The following NHLRC2 variants were observed in gnomAD, a reference collection of about 807,000 sequenced individuals.
NHLRC2 encodes the protein NHL repeat containing 2, also known as NHL repeat-containing protein 2.
NHLRC2 carries 33 observed loss-of-function variants against 68.1 expected under a neutral mutation model. The observed-to-expected ratio is 0.48, with a 90% CI of 0.37 to 0.65. The LOEUF (loss-of-function observed/expected upper bound fraction) is 0.65, where lower values mean the gene tolerates loss of function less well. Among genes scored for constraint, NHLRC2 ranks in the 30% least tolerant of loss-of-function variants. NHLRC2 has a pLI of 0.00. For synonymous variants in NHLRC2, 311 were observed against 309.6 expected (o/e 1.00, Z -0.05); for missense variants, 761 against 853.8 (o/e 0.89, Z 1.35).
At position 113,882,828 on chromosome 10, in the gene NHLRC2, A is replaced by T. The variant is rs983664946; in HGVS notation, c.910-1423A>T. ...TAAAAGTCTTTTAGTTATGGCTCTTATAATTAGGTCTTTGATCCATTTTGA... is the reference window on the plus strand; with the variant it reads ...TAAAAGTCTTTTAGTTATGGCTCTTTTAATTAGGTCTTTGATCCATTTTGA... On this transcript the variant is annotated intron_variant, in intron 4 of 10. Transcript: ENST00000369301. 6.6e-5 allele frequency among the ~76,000 whole-genome samples: 10 copies of T among 151,824 alleles called. No individual in the cohort carries two copies. In the East Asian group the frequency reaches 1.7e-3, roughly 26 times the overall value.
chr10:113,898,892 C>G (rs887712053), intron 6 of NHLRC2, among the ~76,000 whole-genome samples: 4 of 152,144 alleles, frequency 2.6e-5, no homozygotes, highest in African/African-American at 9.7e-5. Flanking sequence ...ATGTGGAGAG[C>G]TTGGCATAGT....
intron 3 of NHLRC2, among the ~76,000 whole-genome samples, chr10:113,878,480 A>G (rs541706603): frequency 1.2e-3 from 186 of 152,296 alleles, no homozygotes; most frequent in African/African-American, 4.3e-3. Context: ...ATCACCAGCT[A>G]GAAAGAGACA....
At position 113,912,425 on chromosome 10, in the gene NHLRC2, A is replaced by G. The variant is rs978017282; in HGVS notation, c.*3889A>G. The G allele has an allele frequency of 9.2e-5, 14 of 152,214 alleles. No individual in the cohort carries two copies. The highest frequency in any genetic ancestry group is 2.0e-4 in the Admixed American group (3 of 15,276). 9.4% of individuals were successfully genotyped at this position (152,214 alleles called of 1,614,324 possible). A position where few individuals can be genotyped will look rare whatever the true frequency, so the allele number is the denominator to read the frequency against. On this transcript the variant is annotated 3_prime_UTR_variant, in exon 11 of 11. Transcript: ENST00000369301. ...AGAGAAATGTTTTATAATGAAGCAT[A>G]TAACTATTTTATAAACAACATTGTA...
At chr10:113,888,416 C>T (rs2134721265) in intron 5 of NHLRC2, among the ~76,000 whole-genome samples, 1 of 151,808 alleles carries the variant, frequency 6.6e-6, no homozygotes, top group East Asian at 1.9e-4. Flanking sequence ...GACATTGTAC[C>T]CCACGAATGT....
At chr10:113,863,241 A>AT (rs145591600) in intron 2 of NHLRC2, among the ~76,000 whole-genome samples, 146 of 152,166 alleles carry the variant, frequency 9.6e-4, no homozygotes, top group Non-Finnish European at 1.8e-3. Flanking sequence ...ATTTCAATAG[A>AT]TTTTTTTTAA....
intron 1 of NHLRC2, among the ~76,000 whole-genome samples, chr10:113,856,979 G>C (rs918905092): frequency 6.6e-6 from 1 of 152,068 alleles, no homozygotes; most frequent in African/African-American, 2.4e-5. Context: ...GTGTGATTTT[G>C]AGCAAGTTAC....
chr10:113,857,452 A>T lies in NHLRC2; in HGVS notation c.179-1076A>T, dbSNP rs1435130803. 2.0e-5 allele frequency among the ~76,000 whole-genome samples: 3 copies of T among 151,378 alleles called. 1 individual carries two copies. In the South Asian group the frequency reaches 6.3e-4, roughly 32 times the overall value. ...GCCCAAATACTAGTTTGATCTGCAG[A>T]TTTTTTTTTCTAGAATTTTGTTATG... On this transcript the variant is annotated intron_variant, in intron 1 of 10. Coordinates refer to ENST00000369301, the MANE Select transcript of NHLRC2 (RefSeq NM_198514.4).
intron 5 of NHLRC2, among the ~76,000 whole-genome samples, chr10:113,896,989 G>A (rs1157865181): frequency 4.2e-5 from 6 of 142,792 alleles, no homozygotes; most frequent in African/African-American, 7.9e-5. Flanking sequence ...GTGAGACTCC[G>A]CCTCAAAAAA....
At position 113,916,089 on chromosome 10, in the gene NHLRC2, G is replaced by A. The variant is rs1282296335; in HGVS notation, c.*7553G>A. On this transcript the variant is annotated 3_prime_UTR_variant, in exon 11 of 11. Transcript: ENST00000369301. ...GGACTCTGCCCTACAACTATCTTCTGTTTTTAGAATTTGTAGTCACTGTTC... is the reference window on the plus strand; with the variant it reads ...GGACTCTGCCCTACAACTATCTTCTATTTTTAGAATTTGTAGTCACTGTTC... The A allele has an allele frequency of 6.6e-6, 1 of 152,126 alleles. No homozygotes were observed. The highest frequency in any genetic ancestry group is 6.5e-5 in the Admixed American group (1 of 15,272). 9.4% of individuals were successfully genotyped at this position (152,126 alleles called of 1,614,324 possible).
intron 5 of NHLRC2, among the ~76,000 whole-genome samples, chr10:113,897,287 G>A (rs1420072235): frequency 2.6e-5 from 4 of 152,030 alleles, no homozygotes; most frequent in Non-Finnish European, 4.4e-5. Flanking sequence ...GCTTTCTTAG[G>A]TACCAAATAT....
chr10:113,870,357 T>A (rs1352161310), intron 2 of NHLRC2, among the ~76,000 whole-genome samples: 2 of 152,200 alleles, frequency 1.3e-5, no homozygotes, highest in South Asian at 2.1e-4. Context: ...CTATATTTTT[T>A]AAAATTTCCT....
chr10:113,857,456 T>C (rs1028164485), intron 1 of NHLRC2, among the ~76,000 whole-genome samples: 1 of 152,252 alleles, frequency 6.6e-6, no homozygotes, highest in Admixed American at 6.5e-5. Flanking sequence ...CTGCAGATTT[T>C]TTTTTCTAGA....
chr10:113,887,123 T>C (rs1174014926), intron 5 of NHLRC2, among the ~76,000 whole-genome samples: 1 of 152,202 alleles, frequency 6.6e-6, no homozygotes, highest in African/African-American at 2.4e-5. Flanking sequence ...TCATCATCTC[T>C]AATCATCAAG....
At chr10:113,872,073 T>G (rs983048994) in intron 2 of NHLRC2, among the ~76,000 whole-genome samples, 2 of 152,044 alleles carry the variant, frequency 1.3e-5, no homozygotes, top group Non-Finnish European at 2.9e-5. Flanking sequence ...TATAAAATAC[T>G]GAACACAGGT....
chr10:113,894,614 A>G (rs1389772518), intron 5 of NHLRC2, among the ~76,000 whole-genome samples: 1 of 152,012 alleles, frequency 6.6e-6, no homozygotes, highest in Non-Finnish European at 1.5e-5. Context: ...GGTGTTAAAT[A>G]GAAGTGTTGA....
rs1443625796 is a variant in NHLRC2, at chr10:113,884,352, C to T, written c.1011C>T (p.Ser337=). The change falls in exon 5 of 11, where the codon TCC becomes TCT. Residue 337 remains serine (S), a synonymous_variant. Transcript: ENST00000369301. ...AAGGAGAACAACAACCCATTAGTTC[C>T]CCTTGGGATGTAGTTTTTGGAACAT... The part of the protein sequence containing the change: ...GAKGEQQPIS[S]PWDVVFGTSG... 1.2e-6 allele frequency: 2 copies of T among 1,609,530 alleles called. No individual in the cohort carries two copies. Among genetic ancestry groups the T allele is most frequent in the South Asian group, 2.2e-5 (2 of 90,800 alleles).
At chr10:113,899,554 G>T (rs1460480207) in intron 6 of NHLRC2, among the ~76,000 whole-genome samples, 3 of 152,206 alleles carry the variant, frequency 2.0e-5, no homozygotes, top group Non-Finnish European at 4.4e-5. Context: ...GTTGTCATCA[G>T]TGAACTTACA....
chr10:113,868,187 T>C (rs1845887814), intron 2 of NHLRC2, among the ~76,000 whole-genome samples: 1 of 152,122 alleles, frequency 6.6e-6, no homozygotes, highest in South Asian at 2.1e-4. Context: ...TGGTGGTGTT[T>C]TACTTCACTG....
At chr10:113,864,253 G>T (rs1038476359) in intron 2 of NHLRC2, among the ~76,000 whole-genome samples, 1 of 152,152 alleles carries the variant, frequency 6.6e-6, no homozygotes, top group Non-Finnish European at 1.5e-5. Flanking sequence ...TGGAGCTATT[G>T]TTTAATGGGT....
Sources: gnomAD v4.1 joint callset for allele counts (sites outside exome capture counted in the v4.1 genomes callset) on GRCh38, gnomAD v4.1.1 for gene constraint, MANE v1.5 for transcripts, NCBI Gene and HGNC (gene_info 2026-07-23, HGNC 2026-07-21) for gene names.